The following RGL1 variants were observed in gnomAD, a reference collection of about 807,000 sequenced individuals.
RGL1 encodes the protein ral guanine nucleotide dissociation stimulator-like 1.
A neutral mutation model predicts 95.2 loss-of-function variants in RGL1; 24 were observed. That is an observed-to-expected ratio of 0.25 (90% confidence interval 0.18 to 0.35). RGL1 has a LOEUF of 0.35. Ranked by LOEUF, RGL1 falls within the 10% of genes least tolerant of loss-of-function variation. RGL1 has a pLI of 1.00. For missense variants in RGL1, 715 were observed against 936.3 expected, an observed-to-expected ratio of 0.76 and a Z score of 3.08; for synonymous variants, 329 against 344.9, an observed-to-expected ratio of 0.95 and a Z score of 0.51.
chr1:183,874,886 G>A (rs898813927), intron 4 of RGL1, among the ~76,000 whole-genome samples: 12 of 152,156 alleles, frequency 7.9e-5, no homozygotes, highest in African/African-American at 2.2e-4. Context: ...ACTGTTCTAT[G>A]ATTAGGAGAA....
chr1:183,648,533 A>G (rs1650483490), intron 1 of RGL1: 1 of 1,614,236 alleles, frequency 6.2e-7, no homozygotes. Context: ...AACTGCTAGC[A>G]TGGCCCTTTT....
intron 2 of RGL1, among the ~76,000 whole-genome samples, chr1:183,794,991 AT>A (rs34500539): frequency 0.36 from 53,919 of 151,798 alleles, 10,735 homozygotes; most frequent in South Asian, 0.57. Flanking sequence ...TAGAGACAAT[AT>A]CTAAGATTTA....
At chr1:183,790,464 C>T (rs569169319) in intron 2 of RGL1, among the ~76,000 whole-genome samples, 3 of 152,306 alleles carry the variant, frequency 2.0e-5, no homozygotes, top group South Asian at 2.1e-4. Context: ...AACAATTTCT[C>T]ACTGCTTGTC....
intron 2 of RGL1, among the ~76,000 whole-genome samples, chr1:183,779,158 C>CCCTT (rs34992555): frequency 0.072 from 6,612 of 91,502 alleles, 409 homozygotes; most frequent in Middle Eastern, 0.13. Context: ...TCAAAATTTT[C>CCCTT]CCTTCCTTCC....
intron 2 of RGL1, among the ~76,000 whole-genome samples, chr1:183,763,551 C>G (rs1379241443): frequency 2.6e-5 from 4 of 152,118 alleles, no homozygotes; most frequent in Admixed American, 2.6e-4. Context: ...CAATATTATT[C>G]ACAGTATCTG....
chr1:183,748,645 A>T (rs1572364122), intron 2 of RGL1, among the ~76,000 whole-genome samples: 2 of 151,966 alleles, frequency 1.3e-5, no homozygotes, highest in East Asian at 3.9e-4. Flanking sequence ...TGACCTCGTG[A>T]TCTGCCTGCC....
Position 183,900,227 on chromosome 1 carries a change from C to T in RGL1, c.1308C>T (p.Asp436=), listed in dbSNP as rs749402003. Residue 436 remains aspartate, a synonymous_variant, in exon 11 of 18, where the codon GAC becomes GAT. Coordinates refer to ENST00000360851, the MANE Select transcript of RGL1 (RefSeq NM_001297671.3). ...DLTMLDTALQ[D]YIEGGLINFE... ...CCATGCTTGACACTGCCCTTCAGGACTACATCGAGGTGAGTTCCATGTGGG... is the reference window on the plus strand; with the variant it reads ...CCATGCTTGACACTGCCCTTCAGGATTACATCGAGGTGAGTTCCATGTGGG... 5 of 1,613,678 alleles carry T rather than the reference C, an allele frequency of 3.1e-6. No individual in the cohort carries two copies. Among genetic ancestry groups the T allele is most frequent in the Non-Finnish European group, 4.2e-6 (5 of 1,179,592 alleles).
chr1:183,646,677 T>C (rs1056634986), intron 1 of RGL1: 1 of 152,208 alleles, frequency 6.6e-6, no homozygotes, highest in African/African-American at 2.4e-5. Context: ...AAAACACACA[T>C]TATGCATTGG....
intron 1 of RGL1, among the ~76,000 whole-genome samples, chr1:183,723,389 T>A (rs970801938): frequency 4.6e-5 from 7 of 152,228 alleles, no homozygotes; most frequent in African/African-American, 1.7e-4. Flanking sequence ...TTTAACTTCA[T>A]GTCACTGAAA....
chr1:183,751,026 G>A (rs1019606997), intron 2 of RGL1, among the ~76,000 whole-genome samples: 3 of 152,248 alleles, frequency 2.0e-5, no homozygotes, highest in African/African-American at 7.2e-5. Flanking sequence ...CTCCCAGTTA[G>A]GAGGCATGGG....
chr1:183,685,797 T>C (rs1653545721), intron 1 of RGL1, among the ~76,000 whole-genome samples: 1 of 152,222 alleles, frequency 6.6e-6, no homozygotes, highest in Admixed American at 6.5e-5. Flanking sequence ...TGTCTGCTGC[T>C]TTTGAAAATT....
intron 2 of RGL1, among the ~76,000 whole-genome samples, chr1:183,789,007 C>G (rs541119502): frequency 6.6e-6 from 1 of 152,272 alleles, no homozygotes; most frequent in South Asian, 2.1e-4. Context: ...GGAAGTCTTT[C>G]TTGAATTCTA....
intron 2 of RGL1, among the ~76,000 whole-genome samples, chr1:183,808,600 T>G (rs1661495963): frequency 6.6e-6 from 1 of 152,198 alleles, no homozygotes; most frequent in Non-Finnish European, 1.5e-5. Flanking sequence ...TAGAACTGAG[T>G]GGCTTCCCCA....
In RGL1 at chr1:183,724,050, A is replaced by G. The variant is rs1325307596; in HGVS notation, c.-32-18076A>G. Among the ~76,000 whole-genome samples, 3 of 152,010 alleles carry G rather than the reference A, an allele frequency of 2.0e-5. No homozygotes were observed. Among genetic ancestry groups the G allele is most frequent in the Non-Finnish European group, 4.4e-5 (3 of 68,008 alleles). On this transcript the variant is annotated intron_variant, in intron 1 of 18. Coordinates refer to the RGL1 transcript ENST00000304685. The surrounding 1 kb of genome is among the most constrained non-coding windows in gnomAD (Gnocchi z 4.1). ...GCTCCCAGATAACATTACTAGACAC[A>G]CCCTGGGCCAGAAGCAAACTCATTG...
intron 3 of RGL1, among the ~76,000 whole-genome samples, chr1:183,852,298 A>G (rs1664869993): frequency 6.6e-6 from 1 of 152,158 alleles, no homozygotes; most frequent in Non-Finnish European, 1.5e-5. Context: ...TGGCCAATAG[A>G]CAGTGGTTTG....
chr1:183,699,288 G>A (rs899890308), intron 1 of RGL1, among the ~76,000 whole-genome samples: 1 of 152,230 alleles, frequency 6.6e-6, no homozygotes, highest in African/African-American at 2.4e-5. Context: ...TCCAGACTGA[G>A]TAAGCATCCT....
intron 2 of RGL1, among the ~76,000 whole-genome samples, chr1:183,780,948 C>T (rs374291117): frequency 1.3e-3 from 201 of 152,300 alleles, no homozygotes; most frequent in African/African-American, 4.7e-3. Context: ...TTCTCTGCAG[C>T]TGGTTTATAT....
rs1236207185 is a variant in RGL1 at position 183,907,001 on chromosome 1, C to T, written c.1473-11C>T. On this transcript the variant is annotated splice_polypyrimidine_tract_variant and intron_variant, in intron 13 of 17. Coordinates refer to ENST00000360851, the MANE Select transcript of RGL1 (RefSeq NM_001297671.3). ...AACTTTGACCTCATGGAGCCCCCTT[C>T]TCTTTCTCAGCTATGCCCTGTCATG... 4 of 1,560,140 alleles carry T rather than the reference C, an allele frequency of 2.6e-6. No homozygotes were observed. The East Asian group carries it at 6.7e-5, about 26-fold the overall frequency.
intron 1 of RGL1, among the ~76,000 whole-genome samples, chr1:183,675,887 T>C (rs1033249595): frequency 6.6e-6 from 1 of 152,246 alleles, no homozygotes; most frequent in Non-Finnish European, 1.5e-5. Flanking sequence ...GGCTCATGCC[T>C]GTGATCCCAG....
Sources: allele counts gnomAD v4.1 joint callset (sites outside exome capture counted in the v4.1 genomes callset), GRCh38; gene constraint gnomAD v4.1.1; non-coding constraint Gnocchi (gnomAD v3.1); transcripts MANE v1.5; gene names NCBI Gene and HGNC (gene_info 2026-07-23, HGNC 2026-07-21).